Variants in DNAH9 observed in about 807,000 individuals in gnomAD.
DNAH9 encodes DNAH9 variant protein.
Under a neutral mutation model 471.6 loss-of-function variants are expected in DNAH9, and 345 were observed. The ratio of observed to expected loss-of-function variants is 0.73; its 90% confidence interval spans 0.67 to 0.80. The LOEUF (loss-of-function observed/expected upper bound fraction) is 0.80, where lower values mean the gene tolerates loss of function less well. DNAH9 is among the 30% of genes least tolerant of loss of function. The pLI, the probability that DNAH9 is intolerant of heterozygous loss-of-function variation, is 0.00. For missense variants in DNAH9, 5,407 were observed against 5,609.2 expected, an observed-to-expected ratio of 0.96 and a Z score of 1.15; for synonymous variants, 2,093 against 2,123.6, an observed-to-expected ratio of 0.99 and a Z score of 0.40.
Position 11,943,543 on chromosome 17 carries a change from G to A in DNAH9, c.12843+1058G>A, listed in dbSNP as rs117780735. ...AATGCAGAAATTAGCCAGGCGTGGC[G>A]GTGTGCACCTGTAGTCCCAGTTGCT... On this transcript the variant is annotated intron_variant, in intron 67 of 68. Coordinates refer to ENST00000262442, the MANE Select transcript of DNAH9 (RefSeq NM_001372.4). Among the ~76,000 whole-genome samples the A allele has an allele frequency of 5.0e-3, 762 of 152,182 alleles. 7 individuals are homozygous for A. The highest frequency in any genetic ancestry group is 6.3e-3 in the Non-Finnish European group (430 of 68,006).
chr17:11,692,518 G>T (rs999096853), intron 20 of DNAH9, among the ~76,000 whole-genome samples: 1 of 152,058 alleles, frequency 6.6e-6, no homozygotes, highest in Non-Finnish European at 1.5e-5. Flanking sequence ...AATTCATTTT[G>T]GTTATATAAA....
intron 20 of DNAH9, 50 bp downstream of exon 20, chr17:11,690,486 A>ACCCT: frequency 6.5e-7 from 1 of 1,535,490 alleles, no homozygotes; most frequent in Non-Finnish European, 8.9e-7. Context: ...TCCAGGGTGA[A>ACCCT]GGGAAGGTCA....
chr17:11,964,426 C>A (rs1976514791), intron 68 of DNAH9, among the ~76,000 whole-genome samples: 2 of 152,124 alleles, frequency 1.3e-5, no homozygotes, highest in East Asian at 3.9e-4. Context: ...ATTTTTCATA[C>A]CTCATTGTAA....
intron 39 of DNAH9, among the ~76,000 whole-genome samples, chr17:11,781,824 T>A (rs1597639043): frequency 2.5e-5 from 3 of 121,364 alleles, no homozygotes; most frequent in South Asian, 2.7e-4. Flanking sequence ...AGAGCGAGAC[T>A]CCATCTTAAA....
chr17:11,601,516 T>C (rs983591125), intron 1 of DNAH9, among the ~76,000 whole-genome samples: 1 of 152,202 alleles, frequency 6.6e-6, no homozygotes, highest in African/African-American at 2.4e-5. Context: ...TGTAAATGTA[T>C]TACCTATTTT....
intron 5 of DNAH9, among the ~76,000 whole-genome samples, chr17:11,619,141 C>T (rs1313875588): frequency 1.3e-5 from 2 of 152,236 alleles, no homozygotes; most frequent in Non-Finnish European, 2.9e-5. Context: ...GCTACAGCTC[C>T]AGCTTTTCAG....
In DNAH9 at chr17:11,708,000, CACACACACACACACAGAGAGAGAG is replaced by C. The variant is rs1276829998; in HGVS notation, c.5552+2817_5552+2840del. 5.8e-4 allele frequency among the ~76,000 whole-genome samples: 30 copies of C among 51,306 alleles called. No individual in the cohort carries two copies. In the East Asian group the frequency reaches 6.8e-3, roughly 12 times the overall value. 33.7% of individuals were successfully genotyped at this position (51,306 alleles called of 152,430 possible). On this transcript the variant is annotated intron_variant, in intron 26 of 68. Coordinates refer to ENST00000262442, the MANE Select transcript of DNAH9 (RefSeq NM_001372.4). Reference sequence around the variant, plus strand: ...ACACACACACACACACACACACACACACACACACACACACAGAGAGAGAGAGAGAGAGAGAGAGAGAGAGAGAGA... The same window carrying C: ...ACACACACACACACACACACACACACAGAGAGAGAGAGAGAGAGAGAGAGA...
At chr17:11,880,899 C>T (rs961178613) in intron 54 of DNAH9, among the ~76,000 whole-genome samples, 4 of 152,144 alleles carry the variant, frequency 2.6e-5, no homozygotes, top group Non-Finnish European at 5.9e-5. Flanking sequence ...AGGTGGTTCA[C>T]CTTCCTCCAG....
At chr17:11,771,785 C>T (rs1421326937) in intron 38 of DNAH9, among the ~76,000 whole-genome samples, 2 of 152,202 alleles carry the variant, frequency 1.3e-5, no homozygotes, top group African/African-American at 4.8e-5. Flanking sequence ...TACACTACTA[C>T]TACTAATAAT....
chr17:11,763,719 A>G (rs1052027042), intron 36 of DNAH9, 105 bp downstream of exon 36: 2 of 1,138,450 alleles, frequency 1.8e-6, no homozygotes, highest in African/African-American at 3.1e-5. Context: ...GTCAGAATGG[A>G]CTTGAAAGCA....
At chr17:11,665,411 C>T (rs796298485) in intron 15 of DNAH9, among the ~76,000 whole-genome samples, 28 of 152,208 alleles carry the variant, frequency 1.8e-4, no homozygotes, top group African/African-American at 5.5e-4. Context: ...AGATTGTGTC[C>T]GCCAGGTTAA....
chr17:11,834,823 G>A lies in DNAH9; in HGVS notation c.9432G>A (p.Lys3144=). 1.2e-6 allele frequency: 2 copies of A among 1,614,086 alleles called. No homozygotes were observed. The highest frequency in any genetic ancestry group is 1.7e-6 in the Non-Finnish European group (2 of 1,180,020). Reference sequence around the variant, plus strand: ...TGCTAGAGGTGAAACAGAAGCAGAAGGACTGTGAGGAGGACCTGGCAAAGG... The same window carrying A: ...TGCTAGAGGTGAAACAGAAGCAGAAAGACTGTGAGGAGGACCTGGCAAAGG... ...VIMLEVKQKQ[K]DCEEDLAKAE... is the part of the protein sequence containing the mutation. Residue 3144 remains lysine, a synonymous_variant, in exon 49 of 69, where the codon AAG becomes AAA. Coordinates refer to ENST00000262442, the MANE Select transcript of DNAH9 (RefSeq NM_001372.4).
chr17:11,783,381 C>T (rs1045471320), intron 39 of DNAH9, among the ~76,000 whole-genome samples: 1 of 152,178 alleles, frequency 6.6e-6, no homozygotes, highest in Non-Finnish European at 1.5e-5. Context: ...CTTCCTTTGC[C>T]TTTTGGTATG....
chr17:11,674,150 C>G (rs2074014826), intron 17 of DNAH9, among the ~76,000 whole-genome samples: 1 of 152,096 alleles, frequency 6.6e-6, no homozygotes, highest in African/African-American at 2.4e-5. Flanking sequence ...AGTGGTTTTG[C>G]TCTTCCCTAA....
intron 26 of DNAH9, among the ~76,000 whole-genome samples, chr17:11,707,773 CCT>C (rs1450908426): frequency 6.6e-6 from 1 of 152,088 alleles, no homozygotes; most frequent in Non-Finnish European, 1.5e-5. Flanking sequence ...AACTACATGG[CCT>C]CCTTTCTGTT....
intron 49 of DNAH9, among the ~76,000 whole-genome samples, chr17:11,836,614 C>G (rs1305734494): frequency 1.3e-5 from 2 of 152,176 alleles, no homozygotes; most frequent in Non-Finnish European, 2.9e-5. Flanking sequence ...CAGCAACACT[C>G]TGCTCACCTG....
intron 49 of DNAH9, among the ~76,000 whole-genome samples, chr17:11,843,043 G>A (rs939127303): frequency 1.3e-5 from 2 of 152,186 alleles, no homozygotes; most frequent in Non-Finnish European, 2.9e-5. Context: ...TATTTCGCTA[G>A]CAGATGAAAA....
At chr17:11,881,110 C>A in intron 54 of DNAH9, 99 bp from the exon 55 acceptor site, 1 of 1,096,110 alleles carries the variant, frequency 9.1e-7, no homozygotes, top group Non-Finnish European at 1.4e-6. Context: ...AGGAATCCAT[C>A]TGAATATAGC....
chr17:11,629,623 G>A (rs1325843008), intron 7 of DNAH9, 39 bp downstream of exon 7: 1 of 1,589,624 alleles, frequency 6.3e-7, no homozygotes, highest in Admixed American at 1.7e-5. Context: ...CTCTGCCTCT[G>A]TCCCGGATGC....
Sources: allele counts gnomAD v4.1 joint callset (sites outside exome capture counted in the v4.1 genomes callset), GRCh38; gene constraint gnomAD v4.1.1; transcripts MANE v1.5; gene names NCBI Gene and HGNC (gene_info 2026-07-23, HGNC 2026-07-21).